DOT1L: variants seen among roughly 807,000 people sequenced by gnomAD.
DOT1L encodes histone-lysine N-methyltransferase, H3 lysine-79 specific.
In DOT1L, 33 loss-of-function variants were observed where a neutral mutation model predicts 153.3. The ratio of observed to expected loss-of-function variants is 0.22; its 90% CI spans 0.16 to 0.29. The LOEUF is 0.29. DOT1L is among the 10% of genes least tolerant of loss of function. The probability of loss-of-function intolerance (pLI) is 1.00; values close to 1 mark genes in which losing one functional copy is unlikely to be tolerated. For missense variants in DOT1L, 1,847 were observed against 2,119.9 expected (o/e 0.87, Z 2.53); for synonymous variants, 1,135 against 965.1 (o/e 1.18, Z -3.26).
At chr19:2,194,375 G>C in intron 6 of DOT1L, 140 bp from the exon 7 acceptor site, 2 of 858,412 alleles carry the variant, frequency 2.3e-6, no homozygotes, top group Middle Eastern at 3.3e-4. Context: ...GTTTCACCGT[G>C]TTAGCCAGGA....
In DOT1L at chr19:2,226,433, C is replaced by T. The variant is rs779557072; in HGVS notation, c.3912C>T (p.Asp1304=). ...TTCCCGGCTCCCTGTCGGGGGCTGA[C>T]GGACTCAGCCCGGGCACCAACCCTG... ...KGFPGSLSGA[D]GLSPGTNPAN... The change falls in exon 27 of 28, where the codon GAC becomes GAT. Residue 1304 remains aspartate (D), a synonymous_variant. Transcript: ENST00000398665. The T allele has an allele frequency of 2.3e-5, 37 of 1,600,904 alleles. No individual in the cohort carries two copies. The highest frequency in any genetic ancestry group is 1.3e-4 in the South Asian group (12 of 90,620).
chr19:2,224,170 C>T (rs953922740), intron 25 of DOT1L, among the ~76,000 whole-genome samples: 5 of 152,212 alleles, frequency 3.3e-5, no homozygotes, highest in African/African-American at 9.7e-5. Context: ...ACCATCCATC[C>T]GCCCTCCGTG....
intron 3 of DOT1L, among the ~76,000 whole-genome samples, chr19:2,188,929 A>T (rs1485961786): frequency 6.6e-6 from 1 of 152,122 alleles, no homozygotes; most frequent in Non-Finnish European, 1.5e-5. Flanking sequence ...CCCCACAGAC[A>T]GTGGGCACTC....
intron 1 of DOT1L, among the ~76,000 whole-genome samples, chr19:2,169,946 C>A (rs1460091689): frequency 6.6e-6 from 1 of 152,168 alleles, no homozygotes; most frequent in Non-Finnish European, 1.5e-5. Context: ...CACCTGCGGT[C>A]AGGAGTTCGA....
intron 7 of DOT1L, 101 bp from the exon 8 acceptor site, chr19:2,199,783 A>C: frequency 7.1e-7 from 1 of 1,401,210 alleles, no homozygotes; most frequent in African/African-American, 1.5e-5. Context: ...CTTCACTGCA[A>C]GCGGAGCTGT....
chr19:2,207,772 G>C lies in DOT1L; in HGVS notation c.963+92G>C. On this transcript the variant is annotated intron_variant, in intron 11 of 27. Coordinates refer to ENST00000398665, the MANE Select transcript of DOT1L (RefSeq NM_032482.3). The surrounding 1 kb of genome is among the most constrained non-coding windows in gnomAD (Gnocchi z 4.5). ...CTCTCTCCTTTCTCATGTGGCCTCTGAGACCCTCCCCTCAGAGCCCTCAAC... is the reference window on the plus strand; with the variant it reads ...CTCTCTCCTTTCTCATGTGGCCTCTCAGACCCTCCCCTCAGAGCCCTCAAC... 8.2e-7 allele frequency: 1 copy of C among 1,214,514 alleles called. No homozygotes were observed. The highest frequency in any genetic ancestry group is 1.5e-5 in the African/African-American group (1 of 66,270). The allele number at this position is 1,214,514 out of a possible 1,614,324, so 75.2% of individuals were successfully genotyped here.
intron 1 of DOT1L, among the ~76,000 whole-genome samples, chr19:2,178,901 C>T (rs763441994): frequency 1.8e-4 from 27 of 152,324 alleles, no homozygotes; most frequent in Non-Finnish European, 2.8e-4. Context: ...AGTTGCAAAG[C>T]ACCGCACAGA....
chr19:2,204,685 G>A lies in DOT1L; in HGVS notation c.787+1906G>A, dbSNP rs1353412284. Among the ~76,000 whole-genome samples the A allele has an allele frequency of 1.3e-5, 2 of 152,244 alleles. No homozygotes were observed. The highest frequency in any genetic ancestry group is 2.9e-5 in the Non-Finnish European group (2 of 68,052). ...TTTTGAACATGTCCAGTGAAGGGCA[G>A]GTGGCCAGTAGTGCTGATTCTAGGG... is the stretch of plus-strand genomic sequence containing the variant. On this transcript the variant is annotated intron_variant, in intron 9 of 27. Transcript: ENST00000398665. The surrounding 1 kb of genome is among the most constrained non-coding windows in gnomAD (Gnocchi z 5.7).
intron 9 of DOT1L, among the ~76,000 whole-genome samples, 182 bp from the exon 10 acceptor site, chr19:2,206,544 AGTT>A (rs2023503266): frequency 7.0e-6 from 1 of 141,948 alleles, no homozygotes; most frequent in Non-Finnish European, 1.5e-5. Flanking sequence ...AAAAAAAAAA[AGTT>A]ATTTGTAGAA....
chr19:2,211,704 C>A (rs2023721587), intron 15 of DOT1L, 47 bp from the exon 16 acceptor site: 2 of 1,495,592 alleles, frequency 1.3e-6, no homozygotes, highest in African/African-American at 2.8e-5. Flanking sequence ...TCTTCCCTCT[C>A]AGTCTCAGCT....
At position 2,197,614 on chromosome 19, in the gene DOT1L, C is replaced by G. The variant is rs557861979; in HGVS notation, c.652-2270C>G. ...CATGGTGTCTAGTGTGGCACAGGTG[C>G]TCCTGGCATGGAGCTGCGTTCGTGG... On this transcript the variant is annotated intron_variant, in intron 7 of 27. Coordinates refer to ENST00000398665, the MANE Select transcript of DOT1L (RefSeq NM_032482.3). This position sits in a 1 kb window ranked among gnomAD's most constrained non-coding sequence, Gnocchi z 4.1. 4.6e-3 allele frequency among the ~76,000 whole-genome samples: 707 copies of G among 152,306 alleles called. 3 individuals carry two copies. Among genetic ancestry groups the G allele is most frequent in the Middle Eastern group, 0.024 (7 of 294 alleles).
chr19:2,209,929 T>A (rs1465208460), intron 12 of DOT1L, among the ~76,000 whole-genome samples: 1 of 152,094 alleles, frequency 6.6e-6, no homozygotes, highest in Non-Finnish European at 1.5e-5. Flanking sequence ...CGGCGCACCC[T>A]GTGTTCCCCT....
rs1404741920 is a variant in DOT1L at position 2,204,006 on chromosome 19, T to C, written c.787+1227T>C. ...CTAGGGGAGAACTGCGGTGGGCTCC[T>C]CAGGCCTCCCAAACAAAACCCAGAG... On this transcript the variant is annotated intron_variant, in intron 9 of 27. Coordinates refer to ENST00000398665, the MANE Select transcript of DOT1L (RefSeq NM_032482.3). The surrounding 1 kb of genome is among the most constrained non-coding windows in gnomAD (Gnocchi z 5.7). 1.3e-5 allele frequency among the ~76,000 whole-genome samples: 2 copies of C among 152,220 alleles called. No homozygotes were observed. Among genetic ancestry groups the C allele is most frequent in the Non-Finnish European group, 2.9e-5 (2 of 68,030 alleles).
At chr19:2,187,280 C>T in intron 3 of DOT1L, among the ~76,000 whole-genome samples, 1 of 152,234 alleles carries the variant, frequency 6.6e-6, no homozygotes, top group African/African-American at 2.4e-5. Context: ...GCAGTTATGG[C>T]ACCTCACTTG....
Position 2,194,562 on chromosome 19 carries a change from G to T in DOT1L, c.636G>T (p.Lys212Asn). 1 of 1,612,948 alleles carries T rather than the reference G, an allele frequency of 6.2e-7. No individual in the cohort carries two copies. The change falls in exon 7 of 28, where the codon AAG becomes AAT. Residue 212 changes from lysine (K) to asparagine (N), a missense_variant. Coordinates refer to ENST00000398665, the MANE Select transcript of DOT1L (RefSeq NM_032482.3). ...FRKWMKWYGK[K>N]HAEYTLERGD... is the part of the protein sequence containing the mutation. ...AGTGGATGAAATGGTATGGAAAAAAGCATGCAGAATACACAGTGAGTGCCA... is the reference window on the plus strand; with the variant it reads ...AGTGGATGAAATGGTATGGAAAAAATCATGCAGAATACACAGTGAGTGCCA...
chr19:2,229,072 C>T (rs919023514), intron 27 of DOT1L: 121 of 985,354 alleles, frequency 1.2e-4, no homozygotes, highest in Non-Finnish European at 1.4e-4. Flanking sequence ...GGGCTTTCAG[C>T]TGCTCAGATG....
At chr19:2,227,769 G>T (rs868750489) in intron 27 of DOT1L, 8 of 1,320,010 alleles carry the variant, frequency 6.1e-6, no homozygotes, top group Non-Finnish European at 8.0e-6. Context: ...CTCCGCCTCT[G>T]CTCATCCGTT....
intron 1 of DOT1L, among the ~76,000 whole-genome samples, chr19:2,165,759 A>G (rs570642107): frequency 3.4e-5 from 5 of 149,166 alleles, no homozygotes; most frequent in Non-Finnish European, 7.4e-5. Flanking sequence ...GCCCCAGTAC[A>G]TGGCTTCACA....
chr19:2,164,344 A>C, intron 1 of DOT1L, 79 bp downstream of exon 1: 1 of 1,019,924 alleles, frequency 9.8e-7, no homozygotes, highest in Non-Finnish European at 1.3e-6. Context: ...AACCCCCCCA[A>C]GCCGCGCTCA....
Sources: allele counts gnomAD v4.1 joint callset (sites outside exome capture counted in the v4.1 genomes callset), GRCh38; gene constraint gnomAD v4.1.1; non-coding constraint Gnocchi (gnomAD v3.1); transcripts MANE v1.5; gene names NCBI Gene and HGNC (gene_info 2026-07-23, HGNC 2026-07-21).